MYBPC1: variants seen among roughly 807,000 people sequenced by gnomAD.
MYBPC1 encodes myosin binding protein C1.
A neutral mutation model predicts 147.1 loss-of-function variants in MYBPC1; 52 were observed. The ratio of observed to expected loss-of-function variants is 0.35; its 90% CI spans 0.28 to 0.45. MYBPC1 has a LOEUF of 0.45. Among genes scored for constraint, MYBPC1 ranks in the 20% least tolerant of loss-of-function variants. The pLI is 1.00. For synonymous variants in MYBPC1, 477 were observed against 475.9 expected, an observed-to-expected ratio of 1.00 and a Z score of -0.03; for missense variants, 1,228 against 1,440.3, an observed-to-expected ratio of 0.85 and a Z score of 2.39.
At chr12:101,670,927 T>A (rs1241020739) in intron 24 of MYBPC1, among the ~76,000 whole-genome samples, 2 of 152,180 alleles carry the variant, frequency 1.3e-5, no homozygotes, top group Non-Finnish European at 2.9e-5. Context: ...CAAAAGAATC[T>A]GTTCTTCACA....
rs1180099009 is a variant in MYBPC1 at position 101,651,493 on chromosome 12, T to C, written c.1526+100T>C. The stretch of plus-strand genomic sequence containing the variant: ...GGTGAGGATATTTGAAGGGTAGCCA[T>C]AGGGAGATCATCTATTCCTGATTCT... On this transcript the variant is annotated intron_variant, in intron 16 of 31. Coordinates refer to ENST00000361466, the MANE Select transcript of MYBPC1 (RefSeq NM_002465.4). 4.1e-6 allele frequency: 6 copies of C among 1,478,716 alleles called. No homozygotes were observed. In the East Asian group the frequency reaches 1.4e-4, roughly 34 times the overall value. The allele number at this position is 1,478,716 out of a possible 1,614,324, so 91.6% of individuals were successfully genotyped here.
intron 1 of MYBPC1, among the ~76,000 whole-genome samples, 161 bp from the exon 2 acceptor site, chr12:101,614,325 TGAGAGAGAGA>T (rs1024538361): frequency 7.1e-6 from 1 of 140,110 alleles, no homozygotes; most frequent in Non-Finnish European, 1.5e-5. Flanking sequence ...TGTGTGTGTG[TGAGAGAGAGA>T]GAGAGAGAGA....
chr12:101,600,291 G>A (rs941020985), intron 1 of MYBPC1: 3 of 151,710 alleles, frequency 2.0e-5, no homozygotes, highest in Non-Finnish European at 2.9e-5. Context: ...ATGAGACACA[G>A]CCTTGAAACT....
intron 24 of MYBPC1, among the ~76,000 whole-genome samples, chr12:101,672,744 G>A (rs941718936): frequency 6.6e-6 from 1 of 152,128 alleles, no homozygotes; most frequent in Non-Finnish European, 1.5e-5. Flanking sequence ...AAGTACTTGG[G>A]AGGGTGAGCA....
intron 20 of MYBPC1, among the ~76,000 whole-genome samples, chr12:101,661,916 G>GA (rs1555247215): frequency 1.6e-5 from 2 of 124,880 alleles, no homozygotes; most frequent in Non-Finnish European, 3.2e-5. Context: ...AAAAAAAAAA[G>GA]AAAGAAAAAA....
At chr12:101,629,717 A>G (rs1475338952) in intron 6 of MYBPC1, among the ~76,000 whole-genome samples, 173 bp downstream of exon 6, 2 of 152,124 alleles carry the variant, frequency 1.3e-5, no homozygotes, top group Non-Finnish European at 2.9e-5. Context: ...TACTAAAAAT[A>G]CAAAAATTAG....
At chr12:101,678,532 T>C (rs915520722) in intron 28 of MYBPC1, among the ~76,000 whole-genome samples, 2 of 152,142 alleles carry the variant, frequency 1.3e-5, no homozygotes, top group Non-Finnish European at 2.9e-5. Flanking sequence ...ACTTGGAAAA[T>C]TAGGTGGTAA....
intron 1 of MYBPC1, chr12:101,600,477 T>G (rs1879453124): frequency 6.6e-6 from 1 of 152,178 alleles, no homozygotes; most frequent in Admixed American, 6.5e-5. Context: ...CTTTAAAAAC[T>G]TGAATAAATA....
chr12:101,642,164 C>T (rs187556586), intron 10 of MYBPC1, among the ~76,000 whole-genome samples: 1 of 152,214 alleles, frequency 6.6e-6, no homozygotes, highest in East Asian at 1.9e-4. Flanking sequence ...GTCCTCTACT[C>T]CCCCTAAAAT....
rs745753136 is a variant in MYBPC1 at position 101,653,169 on chromosome 12, T to C, written c.1688T>C (p.Ile563Thr). The change falls in exon 18 of 32, where the codon ATT (isoleucine) becomes ACT (threonine). Residue 563 changes from isoleucine to threonine, a missense_variant. Physicochemically the swap from Ile to Thr is moderately conservative, Grantham distance 89. Coordinates refer to ENST00000361466, the MANE Select transcript of MYBPC1 (RefSeq NM_002465.4). Reference sequence around the variant, plus strand: ...GATGCTGACAACACAGTGACAGTGATTGCAGGAAACAAGCTTCGTCTTGAG... The same window carrying C: ...GATGCTGACAACACAGTGACAGTGACTGCAGGAAACAAGCTTCGTCTTGAG... ...GLDADNTVTV[I>T]AGNKLRLEIP... The C allele has an allele frequency of 4.3e-6, 7 of 1,614,038 alleles. No individual in the cohort carries two copies. In the Admixed American group the frequency reaches 1.0e-4, roughly 23 times the overall value.
chr12:101,687,221 CGCT>C (rs1285942804), downstream of MYBPC1, among the ~76,000 whole-genome samples: 29 of 152,106 alleles, frequency 1.9e-4, no homozygotes, highest in African/African-American at 5.8e-4. Flanking sequence ...TATCCCTCCC[CGCT>C]CCCCCCACCC....
intron 4 of MYBPC1, among the ~76,000 whole-genome samples, chr12:101,627,433 G>A (rs1888859852): frequency 1.3e-5 from 2 of 152,132 alleles, no homozygotes; most frequent in South Asian, 4.2e-4. Context: ...AGTAGAGACG[G>A]AGTTTCACCA....
At position 101,667,829 on chromosome 12, in the gene MYBPC1, G is replaced by C. The variant is rs1463320573; in HGVS notation, c.2454G>C (p.Lys818Asn). The C allele has an allele frequency of 6.2e-7, 1 of 1,614,166 alleles. No individual in the cohort carries two copies. The highest frequency in any genetic ancestry group is 8.5e-7 in the Non-Finnish European group (1 of 1,180,026). The change falls in exon 23 of 32, where the codon AAG becomes AAC. Residue 818 changes from lysine to asparagine, a missense_variant. Physicochemically the swap from Lys to Asn is moderately conservative, Grantham distance 94. Around this residue, in one of 2 missense-constraint regions of MYBPC1, gnomAD observed 1,077 missense variants for 1,314.2 expected, o/e 0.82. Transcript: ENST00000361466. ...ATGCAAAGATCTTTGTGCGTGTGAA[G>C]GCTGTTAATGCAGCTGGTGCCAGCG... is the stretch of plus-strand genomic sequence containing the variant. ...PTDAKIFVRV[K>N]AVNAAGASEP... is the part of the protein sequence containing the mutation.
chr12:101,675,553 A>G, intron 26 of MYBPC1, 122 bp downstream of exon 26: 1 of 1,436,192 alleles, frequency 7.0e-7, no homozygotes, highest in Admixed American at 1.7e-5. Flanking sequence ...GTGATGTGGC[A>G]GAGCAGAAAG....
At chr12:101,683,379 G>C (rs1382850709) in intron 30 of MYBPC1, among the ~76,000 whole-genome samples, 2 of 152,040 alleles carry the variant, frequency 1.3e-5, no homozygotes, top group Non-Finnish European at 2.9e-5. Context: ...GCTTCAGTGA[G>C]CCAAGATCTC....
At chr12:101,646,983 C>G (rs1254344044) in intron 13 of MYBPC1, 96 bp downstream of exon 13, 1 of 1,480,524 alleles carries the variant, frequency 6.8e-7, no homozygotes. Context: ...CTCCTCTACA[C>G]TGGCAGCTAT....
At chr12:101,636,908 T>C in intron 10 of MYBPC1, 180 bp downstream of exon 10, 1 of 601,366 alleles carries the variant, frequency 1.7e-6, no homozygotes, top group South Asian at 2.0e-5. Context: ...ACTAATCTTT[T>C]AAAGCCTTTA....
chr12:101,647,092 C>A (rs531583214), intron 13 of MYBPC1: 2 of 617,062 alleles, frequency 3.2e-6, no homozygotes, highest in Admixed American at 2.9e-5. Flanking sequence ...TTGACTCAAG[C>A]CAAGCACTAT....
chr12:101,599,980 C>T (rs1483173029), intron 1 of MYBPC1, among the ~76,000 whole-genome samples: 5 of 152,194 alleles, frequency 3.3e-5, no homozygotes, highest in Non-Finnish European at 7.3e-5. Context: ...ACTGCTCCGA[C>T]TGCACCTGTT....
Sources: gnomAD v4.1 joint callset for allele counts (sites outside exome capture counted in the v4.1 genomes callset) on GRCh38, gnomAD v4.1.1 for gene constraint, gnomAD v4.1.1 regional missense constraint, MANE v1.5 for transcripts, NCBI Gene and HGNC (gene_info 2026-07-23, HGNC 2026-07-21) for gene names.